Variants in TRHDE observed in about 807,000 individuals in gnomAD.
The protein encoded by TRHDE is thyrotropin-releasing hormone-degrading ectoenzyme.
TRHDE carries 72 observed loss-of-function variants against 125.7 expected under a neutral mutation model. That is an observed-to-expected ratio of 0.57 (90% CI 0.47 to 0.70). The LOEUF is 0.70. TRHDE is among the 30% of genes least tolerant of loss of function. The probability of loss-of-function intolerance (pLI) is 0.00; values close to 1 mark genes in which losing one functional copy is unlikely to be tolerated. For synonymous variants in TRHDE, 509 were observed against 509.1 expected (o/e 1.00, Z 0.00); for missense variants, 1,110 against 1,327.1 (o/e 0.84, Z 2.54).
chr12:72,350,229 AT>A (rs1254763257), intron 2 of TRHDE, among the ~76,000 whole-genome samples: 3 of 151,938 alleles, frequency 2.0e-5, no homozygotes, highest in Non-Finnish European at 4.4e-5. Flanking sequence ...ACCTTTCAAC[AT>A]GCCAGGAGAC....
intron 2 of TRHDE, among the ~76,000 whole-genome samples, chr12:72,347,861 C>T (rs1870399506): frequency 6.6e-6 from 1 of 151,918 alleles, no homozygotes; most frequent in Admixed American, 6.6e-5. Flanking sequence ...TTACTTTTGT[C>T]ATATTTTATT....
intron 2 of TRHDE, among the ~76,000 whole-genome samples, chr12:72,128,570 T>A (rs568654956): frequency 1.3e-5 from 2 of 152,338 alleles, no homozygotes; most frequent in African/African-American, 2.4e-5. Flanking sequence ...AGTAGAGGTA[T>A]AAATAATATT....
At chr12:72,389,537 G>A (rs1012273123) in intron 3 of TRHDE, among the ~76,000 whole-genome samples, 4 of 152,176 alleles carry the variant, frequency 2.6e-5, no homozygotes, top group Non-Finnish European at 4.4e-5. Flanking sequence ...GCGCTGGTGG[G>A]GTCAGGCTCT....
intron 1 of TRHDE, among the ~76,000 whole-genome samples, chr12:72,095,434 T>C (rs1039720401): frequency 6.6e-6 from 1 of 152,084 alleles, no homozygotes; most frequent in Non-Finnish European, 1.5e-5. Flanking sequence ...CACCTCATAA[T>C]TGAGTGTTTG....
rs115214818 is a variant in TRHDE, at chr12:72,273,646, C to T, written c.914+89C>T. The T allele has an allele frequency of 3.9e-3, 5,142 of 1,309,690 alleles. 190 individuals carry two copies. The African/African-American group carries it at 0.067, about 17-fold the overall frequency. The allele number at this position is 1,309,690 out of a possible 1,614,324, so 81.1% of individuals were successfully genotyped here. ...CCTGCGACCCCGGGGACCCAGCTGG[C>T]TTCCAATACCCGGGAAGCCAGGGGT... On this transcript the variant is annotated intron_variant, in intron 1 of 18. Coordinates refer to ENST00000261180, the MANE Select transcript of TRHDE (RefSeq NM_013381.3). This position sits in a 1 kb window ranked among gnomAD's most constrained non-coding sequence, Gnocchi z 5.3.
intron 2 of TRHDE, among the ~76,000 whole-genome samples, chr12:72,131,318 C>T (rs1016650955): frequency 3.3e-5 from 5 of 151,904 alleles, no homozygotes; most frequent in African/African-American, 7.2e-5. Context: ...GTGATCCGCC[C>T]GCCTCGGCCT....
chr12:72,391,005 A>G (rs984818318), intron 3 of TRHDE, among the ~76,000 whole-genome samples: 1 of 152,114 alleles, frequency 6.6e-6, no homozygotes, highest in African/African-American at 2.4e-5. Flanking sequence ...TTGAGAGATT[A>G]TTACAAGAAA....
In TRHDE at chr12:72,370,747, A is replaced by AT. The variant is rs879850160; in HGVS notation, c.1189-7235dup. 2.8e-3 allele frequency among the ~76,000 whole-genome samples: 399 copies of AT among 144,394 alleles called. 3 individuals are homozygous for AT. The highest frequency in any genetic ancestry group is 7.0e-3 in the Middle Eastern group (2 of 286). The allele number at this position is 144,394 out of a possible 152,430, so 94.7% of individuals were successfully genotyped here. On this transcript the variant is annotated intron_variant, in intron 2 of 18. Transcript: ENST00000261180. ...TTTAAAAGAATGTATTGTTAATGTT[A>AT]TTTTTTTTTTTTTGAGATGGAGTCT... is the stretch of plus-strand genomic sequence containing the variant.
At chr12:72,338,150 G>T (rs1355329244) in intron 2 of TRHDE, among the ~76,000 whole-genome samples, 1 of 152,062 alleles carries the variant, frequency 6.6e-6, no homozygotes, top group African/African-American at 2.4e-5. Flanking sequence ...CTTTTTCTTG[G>T]CTATACTTAT....
chr12:72,361,834 T>A (rs1199141261), intron 2 of TRHDE, among the ~76,000 whole-genome samples: 1 of 130,756 alleles, frequency 7.6e-6, no homozygotes, highest in Non-Finnish European at 1.6e-5. Flanking sequence ...GTTCTTGCAA[T>A]AGTTTACTGA....
chr12:72,434,861 C>T (rs147582137), intron 3 of TRHDE, among the ~76,000 whole-genome samples: 6 of 152,306 alleles, frequency 3.9e-5, no homozygotes, highest in South Asian at 2.1e-4. Context: ...TGTTCCCCCA[C>T]GTTTCTCCCT....
chr12:72,331,605 C>T (rs1198342933), intron 2 of TRHDE, among the ~76,000 whole-genome samples: 1 of 152,112 alleles, frequency 6.6e-6, no homozygotes, highest in African/African-American at 2.4e-5. Flanking sequence ...CTGGGCGAGA[C>T]TTCATGGAAG....
chr12:72,174,652 A>T (rs1042712570), intron 2 of TRHDE, among the ~76,000 whole-genome samples: 1 of 152,072 alleles, frequency 6.6e-6, no homozygotes, highest in African/African-American at 2.4e-5. Flanking sequence ...AACGTCTTTT[A>T]GTTGGAATTT....
chr12:72,349,327 A>G lies in TRHDE; in HGVS notation c.1189-28668A>G, dbSNP rs571070388. On this transcript the variant is annotated intron_variant, in intron 2 of 18. Coordinates refer to ENST00000261180, the MANE Select transcript of TRHDE (RefSeq NM_013381.3). ...ATTTTATTGCCTTTATTAGACAAAT[A>G]GATGTTCTCTATGCTTCTGAAAATG... Among the ~76,000 whole-genome samples the G allele has an allele frequency of 2.0e-5, 3 of 152,200 alleles. No individual in the cohort carries two copies. The East Asian group carries it at 5.8e-4, about 30-fold the overall frequency.
intron 2 of TRHDE, among the ~76,000 whole-genome samples, chr12:72,191,017 C>T (rs2139348651): frequency 6.6e-6 from 1 of 152,246 alleles, no homozygotes; most frequent in Non-Finnish European, 1.5e-5. Context: ...GCACTATAAC[C>T]TGTAGACTTG....
At chr12:72,564,075 T>C (rs927321571) in intron 9 of TRHDE, among the ~76,000 whole-genome samples, 6 of 152,224 alleles carry the variant, frequency 3.9e-5, no homozygotes, top group Non-Finnish European at 8.8e-5. Context: ...TGAATGTTTC[T>C]GGTGACTACA....
chr12:72,380,734 G>GCTTCCTTC (rs1227111391), intron 3 of TRHDE, among the ~76,000 whole-genome samples: 55 of 82,136 alleles, frequency 6.7e-4, no homozygotes, highest in South Asian at 1.2e-3. Context: ...TTCCTTCCTT[G>GCTTCCTTC]CTTCCTTCCT....
chr12:72,604,239 G>A (rs1482506857), intron 12 of TRHDE, among the ~76,000 whole-genome samples: 1 of 151,950 alleles, frequency 6.6e-6, no homozygotes, highest in Non-Finnish European at 1.5e-5. Flanking sequence ...CAAATCCGTA[G>A]GAAAAAATAT....
chr12:72,623,838 G>A (rs1343340643), intron 15 of TRHDE, among the ~76,000 whole-genome samples: 1 of 152,002 alleles, frequency 6.6e-6, no homozygotes, highest in Non-Finnish European at 1.5e-5. Context: ...TTGCGGTCAC[G>A]TTTGACTTGT....
Sources: allele counts gnomAD v4.1 joint callset (sites outside exome capture counted in the v4.1 genomes callset), GRCh38; gene constraint gnomAD v4.1.1; non-coding constraint Gnocchi (gnomAD v3.1); transcripts MANE v1.5; gene names NCBI Gene and HGNC (gene_info 2026-07-23, HGNC 2026-07-21).